The following CIT variants were observed in gnomAD, a reference collection of about 807,000 sequenced individuals.
CIT encodes the protein citron rho-interacting serine/threonine kinase.
CIT carries 79 observed loss-of-function variants against 272.7 expected under a neutral mutation model. The observed-to-expected ratio is 0.29, with a 90% CI of 0.24 to 0.35. The LOEUF is 0.35. CIT is among the 10% of genes least tolerant of loss of function. CIT has a pLI of 1.00. For synonymous variants in CIT, 948 were observed against 995.6 expected (o/e 0.95, Z 0.90); for missense variants, 1,909 against 2,618.3 (o/e 0.73, Z 5.91).
At chr12:119,729,147 T>A (rs1958292326) in intron 27 of CIT, among the ~76,000 whole-genome samples, 1 of 152,172 alleles carries the variant, frequency 6.6e-6, no homozygotes, top group Admixed American at 6.5e-5. Flanking sequence ...ATGAAGGACT[T>A]TGCTGCTTAA....
At chr12:119,814,369 T>G (rs879374678) in intron 9 of CIT, among the ~76,000 whole-genome samples, 10 of 152,208 alleles carry the variant, frequency 6.6e-5, no homozygotes, top group Non-Finnish European at 1.3e-4. Context: ...CCATAAGAGA[T>G]TATAAGAGCT....
chr12:119,831,864 C>G (rs12304182), intron 7 of CIT, among the ~76,000 whole-genome samples: 2 of 151,238 alleles, frequency 1.3e-5, no homozygotes, highest in Non-Finnish European at 1.5e-5. Context: ...AGCGAGACTC[C>G]GTCTCAAAAA....
intron 3 of CIT, among the ~76,000 whole-genome samples, chr12:119,860,236 C>G (rs1950296947): frequency 6.6e-6 from 1 of 151,882 alleles, no homozygotes; most frequent in South Asian, 2.1e-4. Flanking sequence ...AGCCACAGAC[C>G]CCACCCCTCA....
At chr12:119,795,225 T>C (rs902315660) in intron 10 of CIT, among the ~76,000 whole-genome samples, 16 of 151,916 alleles carry the variant, frequency 1.1e-4, no homozygotes, top group African/African-American at 3.6e-4. Flanking sequence ...CTACTAAAAA[T>C]ACAAAAACAA....
At chr12:119,840,513 G>T (rs990484764) in intron 5 of CIT, among the ~76,000 whole-genome samples, 13 of 152,066 alleles carry the variant, frequency 8.5e-5, no homozygotes, top group African/African-American at 2.9e-4. Flanking sequence ...CAAAGGCACA[G>T]AAAACTCAAA....
At chr12:119,852,887 CAG>C (rs1384773147) in intron 4 of CIT, among the ~76,000 whole-genome samples, 1 of 151,618 alleles carries the variant, frequency 6.6e-6, no homozygotes, top group Non-Finnish European at 1.5e-5. Context: ...CTATGTATAT[CAG>C]TGTGTGTGTA....
At chr12:119,841,681 G>A (rs778667122) in intron 5 of CIT, among the ~76,000 whole-genome samples, 12 of 152,116 alleles carry the variant, frequency 7.9e-5, no homozygotes, top group South Asian at 2.1e-4. Context: ...TCCAACTTCC[G>A]CATCCATCTA....
chr12:119,850,105 A>G (rs1017354372), intron 5 of CIT, 69 bp downstream of exon 5: 55 of 969,178 alleles, frequency 5.7e-5, no homozygotes, highest in Admixed American at 5.7e-4. Context: ...AACAACATTC[A>G]GTTCTACCAC....
At chr12:119,714,360 A>G (rs1350343671) in intron 32 of CIT, 26 bp from the exon 33 acceptor site, 1 of 1,613,006 alleles carries the variant, frequency 6.2e-7, no homozygotes, top group African/African-American at 1.3e-5. Context: ...TTAAAAAATC[A>G]TTAGAGTACT....
chr12:119,832,835 T>C lies in CIT; in HGVS notation c.689A>G (p.Asp230Gly), dbSNP rs886037894. 1 of 1,614,050 alleles carries C rather than the reference T, an allele frequency of 6.2e-7. No individual in the cohort carries two copies. Among genetic ancestry groups the C allele is most frequent in the Non-Finnish European group, 8.5e-7 (1 of 1,179,924 alleles). Residue 230 changes from aspartate (D) to glycine (G), a missense_variant, in exon 7 of 48, where the codon GAC becomes GGC. By Grantham distance (94) the Asp-to-Gly change is moderately conservative (BLOSUM62 -1). This residue lies in a region of CIT where 529 missense variants were observed against 549.6 expected (regional missense o/e 0.96). Transcript: ENST00000392521. ...RDIKPENILV[D>G]RTGHIKLVDF... ...CACCAGCTTGATGTGTCCTGTGCGG[T>C]CAACGAGAATGTTCTCAGGCTTGAT...
intron 24 of CIT, 117 bp from the exon 25 acceptor site, chr12:119,735,474 T>C: frequency 1.0e-6 from 1 of 989,540 alleles, no homozygotes; most frequent in Non-Finnish European, 1.6e-6. Flanking sequence ...GTGCCGCTCA[T>C]GAGTTTGCCC....
At chr12:119,821,445 T>C (rs1447501617) in intron 9 of CIT, among the ~76,000 whole-genome samples, 1 of 152,182 alleles carries the variant, frequency 6.6e-6, no homozygotes, top group Non-Finnish European at 1.5e-5. Context: ...AAAAGGTAGA[T>C]GGGTTTCAGT....
rs1468911936 is a variant in CIT, at chr12:119,873,181, G to T, written c.96+2892C>A. ...AAGTGAGATACTCAGAAACATGCCAGTTCTATGCCAGACACATTGGAAGCC... is the reference window on the plus strand; with the variant it reads ...AAGTGAGATACTCAGAAACATGCCATTTCTATGCCAGACACATTGGAAGCC... On this transcript the variant is annotated intron_variant, in intron 2 of 47. Transcript: ENST00000392521. Among the ~76,000 whole-genome samples, 4 of 151,886 alleles carry T rather than the reference G, an allele frequency of 2.6e-5. No individual in the cohort carries two copies. In the East Asian group the frequency reaches 7.7e-4, roughly 29 times the overall value.
chr12:119,758,418 CAG>C (rs1961313481), intron 21 of CIT, among the ~76,000 whole-genome samples, 171 bp downstream of exon 21: 1 of 152,162 alleles, frequency 6.6e-6, no homozygotes, highest in African/African-American at 2.4e-5. Flanking sequence ...TCAAAAGTGG[CAG>C]AGTGAGACCA....
intron 10 of CIT, among the ~76,000 whole-genome samples, chr12:119,794,397 T>C (rs1449844009): frequency 6.6e-6 from 1 of 152,212 alleles, no homozygotes; most frequent in Admixed American, 6.5e-5. Flanking sequence ...GTGTGCTGCA[T>C]GTATGCTGGC....
At chr12:119,733,126 C>G (rs1160160117) in intron 26 of CIT, among the ~76,000 whole-genome samples, 5 of 151,890 alleles carry the variant, frequency 3.3e-5, no homozygotes, top group Non-Finnish European at 7.4e-5. Context: ...CCACTGTGGC[C>G]CCACAGGAAG....
At position 119,712,475 on chromosome 12, in the gene CIT, G is replaced by T; in HGVS notation, c.4684+116C>A. 1 of 1,383,896 alleles carries T rather than the reference G, an allele frequency of 7.2e-7. No homozygotes were observed. Among genetic ancestry groups the T allele is most frequent in the Non-Finnish European group, 1.0e-6 (1 of 994,722 alleles). The allele number at this position is 1,383,896 out of a possible 1,614,324, so 85.7% of individuals were successfully genotyped here. ...CCCAGTTACCGCCAAGGCGGGGAGC[G>T]GAGGAAGATGGGCCTCCTTTGCAGA... On this transcript the variant is annotated intron_variant, in intron 36 of 47. Coordinates refer to ENST00000392521, the MANE Select transcript of CIT (RefSeq NM_001206999.2). The surrounding 1 kb of genome is among the most constrained non-coding windows in gnomAD (Gnocchi z 5.2).
chr12:119,753,368 A>G (rs191599845), intron 22 of CIT, among the ~76,000 whole-genome samples: 3 of 152,296 alleles, frequency 2.0e-5, no homozygotes, highest in Non-Finnish European at 2.9e-5. Context: ...CTTGCAAAAG[A>G]TGTAACCTGC....
intron 7 of CIT, among the ~76,000 whole-genome samples, chr12:119,825,706 T>C (rs185084483): frequency 2.1e-3 from 313 of 152,336 alleles, no homozygotes; most frequent in African/African-American, 7.0e-3. Flanking sequence ...GAACTTCTCT[T>C]ATGATAACAG....
Sources: gnomAD v4.1 joint callset for allele counts (sites outside exome capture counted in the v4.1 genomes callset) on GRCh38, gnomAD v4.1.1 for gene constraint, gnomAD v4.1.1 regional missense constraint, Gnocchi (gnomAD v3.1) non-coding constraint, MANE v1.5 for transcripts, NCBI Gene and HGNC (gene_info 2026-07-23, HGNC 2026-07-21) for gene names.